Variants in NEK10 observed in about 807,000 individuals in gnomAD.
The protein encoded by NEK10 is NIMA related kinase 10.
In NEK10, 122 loss-of-function variants were observed where a neutral mutation model predicts 159.8. The observed-to-expected ratio is 0.76, with a 90% CI of 0.66 to 0.89. The LOEUF (loss-of-function observed/expected upper bound fraction) is 0.89. Ranked by LOEUF, NEK10 falls within the 40% of genes least tolerant of loss-of-function variation. NEK10 has a pLI of 0.00. For synonymous variants in NEK10, 466 were observed against 457.1 expected (o/e 1.02, Z -0.25); for missense variants, 1,342 against 1,323.1 (o/e 1.01, Z -0.22).
chr3:27,127,969 T>A (rs1234477300), intron 32 of NEK10, among the ~76,000 whole-genome samples: 1 of 152,126 alleles, frequency 6.6e-6, no homozygotes, highest in African/African-American at 2.4e-5. Flanking sequence ...CTGGCTGGAT[T>A]TTGCTGATTA....
At chr3:27,262,498 T>A (rs2040503500) in intron 22 of NEK10, among the ~76,000 whole-genome samples, 1 of 152,244 alleles carries the variant, frequency 6.6e-6, no homozygotes, top group Non-Finnish European at 1.5e-5. Flanking sequence ...TCTTTTCATA[T>A]AGTCCCATAT....
Position 27,252,666 on chromosome 3 carries a change from A to G in NEK10, c.2090+3630T>C, listed in dbSNP as rs9809147. On this transcript the variant is annotated intron_variant, in intron 23 of 35. Coordinates refer to ENST00000691995, the MANE Select transcript of NEK10 (RefSeq NM_001394966.1). ...GTACATAGAGTGTGTAGATCAGAGG[A>G]AATAGACCTTGTCTAAGGGGGTTCA... is the stretch of plus-strand genomic sequence containing the variant. Among the ~76,000 whole-genome samples the G allele has an allele frequency of 8.3e-3, 783 of 94,818 alleles. 9 individuals carry two copies. The highest frequency in any genetic ancestry group is 0.03 in the African/African-American group (745 of 25,190). 62.2% of individuals were successfully genotyped at this position (94,818 alleles called of 152,430 possible). A position where few individuals can be genotyped will look rare whatever the true frequency, so the allele number is the denominator to read the frequency against.
chr3:27,327,273 G>C (rs2149686896), intron 5 of NEK10, among the ~76,000 whole-genome samples: 1 of 152,246 alleles, frequency 6.6e-6, no homozygotes, highest in Non-Finnish European at 1.5e-5. Context: ...CATGGGGGCA[G>C]CCCTGAGAAA....
chr3:27,213,073 T>G (rs1951162861), intron 23 of NEK10, among the ~76,000 whole-genome samples: 1 of 152,230 alleles, frequency 6.6e-6, no homozygotes, highest in Non-Finnish European at 1.5e-5. Context: ...AATGGAAACC[T>G]CTAGAGGGTA....
At chr3:27,246,396 A>AT (rs1955068346) in intron 23 of NEK10, among the ~76,000 whole-genome samples, 1 of 152,044 alleles carries the variant, frequency 6.6e-6, no homozygotes, top group Non-Finnish European at 1.5e-5. Flanking sequence ...GTAAATTTAG[A>AT]TTTTTTAAAT....
At chr3:27,162,950 C>A (rs1471728498) in intron 29 of NEK10, 1 of 248,090 alleles carries the variant, frequency 4.0e-6, no homozygotes, top group Non-Finnish European at 6.4e-6. Flanking sequence ...ATCGTCCCAC[C>A]ACAGTTTTTA....
chr3:27,196,289 A>G (rs973111064), intron 25 of NEK10, among the ~76,000 whole-genome samples: 6 of 152,134 alleles, frequency 3.9e-5, no homozygotes, highest in African/African-American at 9.7e-5. Flanking sequence ...AGACCCCCTT[A>G]GAGTTGTAAG....
intron 13 of NEK10, among the ~76,000 whole-genome samples, chr3:27,299,548 T>C (rs1176174443): frequency 2.0e-5 from 3 of 152,080 alleles, no homozygotes; most frequent in Admixed American, 6.5e-5. Context: ...AGTGGAGCTG[T>C]AAGAAGCAGG....
intron 22 of NEK10, among the ~76,000 whole-genome samples, chr3:27,266,347 A>C (rs545783069): frequency 7.2e-5 from 11 of 152,318 alleles, no homozygotes; most frequent in African/African-American, 2.6e-4. Flanking sequence ...AAGCTGAGCT[A>C]ATTTTTATAT....
chr3:27,193,872 T>A (rs183177920), intron 25 of NEK10, among the ~76,000 whole-genome samples: 1 of 152,274 alleles, frequency 6.6e-6, no homozygotes, highest in East Asian at 1.9e-4. Context: ...AAGAGGGACA[T>A]GTGTCCTCTT....
At chr3:27,116,207 A>C in intron 33 of NEK10, 80 bp from the exon 34 acceptor site, 3 of 1,253,204 alleles carry the variant, frequency 2.4e-6, no homozygotes, top group Non-Finnish European at 3.5e-6. Flanking sequence ...TTATGACTTC[A>C]ACCACAGGGC....
At chr3:27,170,031 G>T (rs1166780399) in intron 29 of NEK10, among the ~76,000 whole-genome samples, 4 of 152,124 alleles carry the variant, frequency 2.6e-5, no homozygotes, top group African/African-American at 9.7e-5. Flanking sequence ...GACTGAACTG[G>T]CTCCTATGCC....
intron 31 of NEK10, among the ~76,000 whole-genome samples, chr3:27,133,617 A>G (rs1201288395): frequency 6.6e-6 from 1 of 152,148 alleles, no homozygotes; most frequent in Non-Finnish European, 1.5e-5. Flanking sequence ...TCTACTAAAA[A>G]TACAAAATTA....
intron 1 of NEK10, among the ~76,000 whole-genome samples, chr3:27,357,300 G>A (rs2048384640): frequency 6.6e-6 from 1 of 152,048 alleles, no homozygotes; most frequent in African/African-American, 2.4e-5. Flanking sequence ...TGGATGAACG[G>A]ATAAAAGGAT....
At chr3:27,196,350 C>CGTGA (rs1559590756) in intron 25 of NEK10, among the ~76,000 whole-genome samples, 1 of 152,164 alleles carries the variant, frequency 6.6e-6, no homozygotes, top group Non-Finnish European at 1.5e-5. Context: ...TTTTTGGAGA[C>CGTGA]GTGAGTCTGC....
At chr3:27,137,455 T>A (rs1351389267) in intron 31 of NEK10, among the ~76,000 whole-genome samples, 2 of 152,234 alleles carry the variant, frequency 1.3e-5, no homozygotes, top group African/African-American at 4.8e-5. Flanking sequence ...TAGTTAATAG[T>A]TAAGAGAACT....
At chr3:27,204,103 G>A (rs922914939) in intron 23 of NEK10, among the ~76,000 whole-genome samples, 1 of 151,934 alleles carries the variant, frequency 6.6e-6, no homozygotes, top group Non-Finnish European at 1.5e-5. Context: ...GATCTCAGAA[G>A]ATTTGCTTCA....
chr3:27,279,375 G>A (rs892428567), intron 22 of NEK10, among the ~76,000 whole-genome samples: 1 of 152,188 alleles, frequency 6.6e-6, no homozygotes, highest in African/African-American at 2.4e-5. Context: ...CCCCTCTGTG[G>A]TGACATGCTT....
At chr3:27,322,603 A>G (rs1424327572) in intron 5 of NEK10, among the ~76,000 whole-genome samples, 1 of 152,236 alleles carries the variant, frequency 6.6e-6, no homozygotes, top group Admixed American at 6.5e-5. Context: ...GCCATAACCA[A>G]TTGGTATCCA....
Sources: allele counts gnomAD v4.1 joint callset (sites outside exome capture counted in the v4.1 genomes callset), GRCh38; gene constraint gnomAD v4.1.1; transcripts MANE v1.5; gene names NCBI Gene and HGNC (gene_info 2026-07-23, HGNC 2026-07-21).